The following DRGX variants were observed in gnomAD, a reference collection of about 807,000 sequenced individuals.
DRGX encodes the protein dorsal root ganglia homeobox protein.
DRGX carries 21 observed loss-of-function variants against 28.6 expected under a neutral mutation model. That is an observed-to-expected ratio of 0.73 (90% confidence interval 0.52 to 1.06). The LOEUF (loss-of-function observed/expected upper bound fraction) is 1.06. Ranked by LOEUF, DRGX falls within the 50% of genes least tolerant of loss-of-function variation. DRGX has a pLI of 0.00. For missense variants in DRGX, 354 were observed against 343.9 expected, an observed-to-expected ratio of 1.03 and a Z score of -0.23; for synonymous variants, 136 against 139.1, an observed-to-expected ratio of 0.98 and a Z score of 0.16.
chr10:49,395,363 C>T, intron 2 of DRGX, 44 bp downstream of exon 2: 1 of 1,548,548 alleles, frequency 6.5e-7, no homozygotes, highest in Non-Finnish European at 8.7e-7. Context: ...CCTTTCTGGC[C>T]GGCTCTGGCT....
chr10:49,381,978 A>G (rs1468631304), intron 6 of DRGX, among the ~76,000 whole-genome samples: 3 of 152,074 alleles, frequency 2.0e-5, no homozygotes, highest in Non-Finnish European at 4.4e-5. Context: ...ACGGGCTTGG[A>G]GAAGTGGTTG....
chr10:49,392,706 A>G (rs1445138827), intron 2 of DRGX, among the ~76,000 whole-genome samples: 1 of 152,220 alleles, frequency 6.6e-6, no homozygotes, highest in Non-Finnish European at 1.5e-5. Flanking sequence ...GTCGAACTGA[A>G]TCCTAAAAAA....
At chr10:49,369,418 C>A (rs930109749) in intron 6 of DRGX, among the ~76,000 whole-genome samples, 1 of 152,154 alleles carries the variant, frequency 6.6e-6, no homozygotes, top group Non-Finnish European at 1.5e-5. Context: ...ATGACTCAGA[C>A]TTAAAAGGAA....
At chr10:49,368,227 T>C (rs142632855) in intron 6 of DRGX, among the ~76,000 whole-genome samples, 324 of 152,368 alleles carry the variant, frequency 2.1e-3, no homozygotes, top group African/African-American at 7.3e-3. Flanking sequence ...CAGTTTATTG[T>C]AGAGATGGGA....
At chr10:49,379,906 A>G (rs1221869744) in intron 6 of DRGX, among the ~76,000 whole-genome samples, 2 of 151,750 alleles carry the variant, frequency 1.3e-5, no homozygotes, top group Non-Finnish European at 2.9e-5. Flanking sequence ...CTGTCCCCAC[A>G]CTCCTCCCAG....
chr10:49,366,454 A>ATCTGAGTTCT, intron 6 of DRGX, 73 bp from the exon 7 acceptor site: 1 of 1,518,172 alleles, frequency 6.6e-7, no homozygotes, highest in Non-Finnish European at 8.8e-7. Context: ...ACAGGAAACG[A>ATCTGAGTTCT]TCTGAGTTCT....
At chr10:49,373,330 A>T (rs1849680668) in intron 6 of DRGX, among the ~76,000 whole-genome samples, 1 of 152,242 alleles carries the variant, frequency 6.6e-6, no homozygotes, top group African/African-American at 2.4e-5. Flanking sequence ...CATTTAAAAA[A>T]TAGGTAAAAG....
chr10:49,386,932 C>T, intron 4 of DRGX, 74 bp from the exon 5 acceptor site: 1 of 1,468,486 alleles, frequency 6.8e-7, no homozygotes. Flanking sequence ...GGACCCAGTG[C>T]TGGCACTCAC....
At chr10:49,393,061 T>C (rs1362512059) in intron 2 of DRGX, among the ~76,000 whole-genome samples, 1 of 152,050 alleles carries the variant, frequency 6.6e-6, no homozygotes, top group Non-Finnish European at 1.5e-5. Flanking sequence ...ATTTAATCTA[T>C]AAATATATTT....
chr10:49,394,634 G>T (rs1032122828), intron 2 of DRGX, among the ~76,000 whole-genome samples: 3 of 152,200 alleles, frequency 2.0e-5, no homozygotes, highest in Non-Finnish European at 4.4e-5. Context: ...CTGAGCAGGG[G>T]CATGCTGAGG....
chr10:49,388,368 C>T (rs1239236871), intron 4 of DRGX, among the ~76,000 whole-genome samples: 1 of 152,266 alleles, frequency 6.6e-6, no homozygotes, highest in Non-Finnish European at 1.5e-5. Flanking sequence ...GCTGCTGGCA[C>T]ACTGGCCCCA....
intron 6 of DRGX, among the ~76,000 whole-genome samples, chr10:49,368,502 C>T (rs1266774685): frequency 6.6e-6 from 1 of 152,264 alleles, no homozygotes; most frequent in African/African-American, 2.4e-5. Flanking sequence ...GGCTCTTACA[C>T]AGGCATAGCC....
At chr10:49,394,939 G>T (rs1321461940) in intron 2 of DRGX, among the ~76,000 whole-genome samples, 1 of 152,252 alleles carries the variant, frequency 6.6e-6, no homozygotes, top group East Asian at 1.9e-4. Flanking sequence ...CCCCTGCAGT[G>T]TTCTCGCCAG....
chr10:49,391,308 C>A (rs115624587), intron 2 of DRGX, 47 bp from the exon 3 acceptor site: 1 of 1,521,790 alleles, frequency 6.6e-7, no homozygotes, highest in Non-Finnish European at 9.0e-7. Context: ...GGCCCCAGTC[C>A]TCAGACCGCC....
intron 6 of DRGX, among the ~76,000 whole-genome samples, chr10:49,380,731 T>C (rs1275820656): frequency 6.6e-6 from 1 of 152,150 alleles, no homozygotes; most frequent in Non-Finnish European, 1.5e-5. Context: ...AAGGAAAAGG[T>C]AAATTTCAGT....
intron 6 of DRGX, among the ~76,000 whole-genome samples, chr10:49,382,332 G>T (rs1489725700): frequency 6.6e-6 from 1 of 152,182 alleles, no homozygotes; most frequent in African/African-American, 2.4e-5. Context: ...TTTATAAAAA[G>T]AGCTCAGTCA....
chr10:49,389,544 T>C (rs1409498244), intron 4 of DRGX, among the ~76,000 whole-genome samples: 2 of 152,164 alleles, frequency 1.3e-5, no homozygotes, highest in Non-Finnish European at 2.9e-5. Flanking sequence ...GTAATCACCG[T>C]GTAGCTTCTA....
chr10:49,387,210 C>A (rs1314118294), intron 4 of DRGX, among the ~76,000 whole-genome samples: 1 of 152,188 alleles, frequency 6.6e-6, no homozygotes, highest in Non-Finnish European at 1.5e-5. Flanking sequence ...GCTTAAGAAA[C>A]CTGACCCGGG....
intron 6 of DRGX, among the ~76,000 whole-genome samples, chr10:49,385,595 G>T (rs1308738874): frequency 2.0e-5 from 3 of 152,182 alleles, no homozygotes; most frequent in Admixed American, 6.5e-5. Flanking sequence ...GTGTGTATGT[G>T]TGTGTCCCAC....
Sources: gnomAD v4.1 joint callset for allele counts (sites outside exome capture counted in the v4.1 genomes callset) on GRCh38, gnomAD v4.1.1 for gene constraint, MANE v1.5 for transcripts, NCBI Gene and HGNC (gene_info 2026-07-23, HGNC 2026-07-21) for gene names.